Variants in TNKS observed in about 807,000 individuals in gnomAD.
The protein encoded by TNKS is tankyrase, also known as poly [ADP-ribose] polymerase tankyrase-1.
TNKS carries 72 observed loss-of-function variants against 135.8 expected under a neutral mutation model. That is an observed-to-expected ratio of 0.53 (90% CI 0.44 to 0.64). The LOEUF (loss-of-function observed/expected upper bound fraction) is 0.64, where lower values mean the gene tolerates loss of function less well. Ranked by LOEUF, TNKS falls within the 30% of genes least tolerant of loss-of-function variation. The pLI, the probability that TNKS is intolerant of heterozygous loss-of-function variation, is 0.00. For missense variants in TNKS, 1,769 were observed against 1,674.0 expected, an observed-to-expected ratio of 1.06 and a Z score of -0.99; for synonymous variants, 849 against 649.3, an observed-to-expected ratio of 1.31 and a Z score of -4.68.
At chr8:9,672,711 CAAAAAAA>C (rs6150458) in intron 3 of TNKS, among the ~76,000 whole-genome samples, 6 of 85,212 alleles carry the variant, frequency 7.0e-5, no homozygotes, top group East Asian at 3.2e-4. Context: ...CACACACACA[CAAAAAAA>C]AAAAAACAAA....
At chr8:9,587,900 G>C (rs571914187) in intron 2 of TNKS, among the ~76,000 whole-genome samples, 2 of 152,282 alleles carry the variant, frequency 1.3e-5, no homozygotes, top group East Asian at 3.9e-4. Flanking sequence ...CTCCTGAAAA[G>C]AGTAGTAGAA....
chr8:9,590,449 T>C (rs1257143983), intron 2 of TNKS, among the ~76,000 whole-genome samples: 5 of 152,238 alleles, frequency 3.3e-5, no homozygotes, highest in Admixed American at 2.6e-4. Flanking sequence ...ATAGCACTTA[T>C]TACCTGGAAT....
At chr8:9,615,746 T>C (rs918402503) in intron 3 of TNKS, 69 bp downstream of exon 3, 68 of 1,284,412 alleles carry the variant, frequency 5.3e-5, no homozygotes, top group Admixed American at 1.2e-4. Flanking sequence ...TAAAATCTTG[T>C]TATGCTGAAT....
intron 1 of TNKS, chr8:9,566,274 T>C (rs1405477140): frequency 6.6e-6 from 1 of 152,172 alleles, no homozygotes; most frequent in African/African-American, 2.4e-5. Flanking sequence ...ATATTCTTAT[T>C]TGGAAAAAGA....
chr8:9,664,313 G>T (rs144886121), intron 3 of TNKS, among the ~76,000 whole-genome samples: 14 of 152,086 alleles, frequency 9.2e-5, no homozygotes, highest in African/African-American at 3.1e-4. Context: ...GGAGGTGCCA[G>T]GCTGTTTTTC....
chr8:9,723,325 A>G (rs1344051667), intron 12 of TNKS, among the ~76,000 whole-genome samples: 3 of 152,142 alleles, frequency 2.0e-5, no homozygotes, highest in Non-Finnish European at 4.4e-5. Flanking sequence ...ATGACTTTTG[A>G]AAGAATATAT....
At chr8:9,757,694 A>G (rs1471451902) in intron 20 of TNKS, among the ~76,000 whole-genome samples, 1 of 152,224 alleles carries the variant, frequency 6.6e-6, no homozygotes, top group African/African-American at 2.4e-5. Flanking sequence ...AGTAAATAGC[A>G]TGAACTTTGG....
chr8:9,696,461 A>C (rs1803519027), intron 5 of TNKS, among the ~76,000 whole-genome samples: 1 of 152,180 alleles, frequency 6.6e-6, no homozygotes, highest in Non-Finnish European at 1.5e-5. Context: ...GGCAAGAAAA[A>C]GAAATAAAAG....
Position 9,734,895 on chromosome 8 carries a change from G to T in TNKS, c.2344G>T (p.Asp782Tyr). ...HGADPTKKNR[D>Y]GNTPLDLVKE... ...AGCAGATCCAACTAAAAAGAACAGA[G>T]ATGGAAATACACCTTTGGATTTGGT... Residue 782 changes from aspartate (D) to tyrosine (Y), a missense_variant, in exon 16 of 27, where the codon GAT (aspartate) becomes TAT (tyrosine). Coordinates refer to ENST00000310430, the MANE Select transcript of TNKS (RefSeq NM_003747.3). 6.2e-7 allele frequency: 1 copy of T among 1,614,148 alleles called. No homozygotes were observed. Among genetic ancestry groups the T allele is most frequent in the Non-Finnish European group, 8.5e-7 (1 of 1,180,004 alleles).
intron 3 of TNKS, among the ~76,000 whole-genome samples, chr8:9,658,039 G>A (rs1455888697): frequency 6.5e-5 from 5 of 77,066 alleles, no homozygotes; most frequent in Admixed American, 1.2e-4. Flanking sequence ...CATCTCAGAC[G>A]ATGGGCGGCC....
At chr8:9,663,491 A>G (rs1412544911) in intron 3 of TNKS, among the ~76,000 whole-genome samples, 2 of 152,222 alleles carry the variant, frequency 1.3e-5, no homozygotes, top group African/African-American at 2.4e-5. Context: ...CACTCTTCCA[A>G]CAGCAGTTAG....
intron 2 of TNKS, among the ~76,000 whole-genome samples, chr8:9,591,470 A>T (rs181676611): frequency 2.6e-5 from 4 of 152,322 alleles, no homozygotes; most frequent in Admixed American, 2.0e-4. Context: ...GTGGAATGCT[A>T]AGTGCACATT....
At chr8:9,762,528 G>C (rs932263359) in intron 21 of TNKS, among the ~76,000 whole-genome samples, 1 of 151,858 alleles carries the variant, frequency 6.6e-6, no homozygotes, top group Non-Finnish European at 1.5e-5. Flanking sequence ...GTCAGACATA[G>C]CTTCATGTAT....
intron 3 of TNKS, among the ~76,000 whole-genome samples, chr8:9,661,613 C>T (rs192946350): frequency 0.022 from 3,313 of 152,228 alleles, 57 homozygotes; most frequent in South Asian, 0.07. Flanking sequence ...AAATGTTAGA[C>T]CTAAAACCAT....
At chr8:9,574,983 G>GTCAGAA (rs2129052272) in intron 1 of TNKS, 1 of 915,744 alleles carries the variant, frequency 1.1e-6, no homozygotes, top group Non-Finnish European at 1.3e-6. Context: ...TGCTAAGAAT[G>GTCAGAA]TGGAAAGATT....
chr8:9,679,077 A>G (rs1802663065), intron 3 of TNKS, among the ~76,000 whole-genome samples: 1 of 152,176 alleles, frequency 6.6e-6, no homozygotes, highest in Non-Finnish European at 1.5e-5. Context: ...TGTATTATGG[A>G]TGGTTTTTAA....
intron 25 of TNKS, among the ~76,000 whole-genome samples, chr8:9,767,177 A>T (rs1807502814): frequency 6.6e-6 from 1 of 152,224 alleles, no homozygotes; most frequent in African/African-American, 2.4e-5. Context: ...CAGGATATAT[A>T]ATTAGCCTTG....
At chr8:9,776,265 C>G (rs899339887) in intron 26 of TNKS, among the ~76,000 whole-genome samples, 1 of 152,140 alleles carries the variant, frequency 6.6e-6, no homozygotes, top group African/African-American at 2.4e-5. Context: ...CTGGATTCAG[C>G]AAAATTTTTC....
chr8:9,721,868 A>T (rs6983015), intron 12 of TNKS, among the ~76,000 whole-genome samples: 89,441 of 140,136 alleles, frequency 0.64, 26,711 homozygotes, highest in Middle Eastern at 0.75. Context: ...CTTGGCCAAC[A>T]TGGTGAAACC....
Sources: gnomAD v4.1 joint callset for allele counts (sites outside exome capture counted in the v4.1 genomes callset) on GRCh38, gnomAD v4.1.1 for gene constraint, MANE v1.5 for transcripts, NCBI Gene and HGNC (gene_info 2026-07-23, HGNC 2026-07-21) for gene names.